Variants in XPO1 observed in about 807,000 individuals in gnomAD.
XPO1 encodes the protein exportin 1.
Under a neutral mutation model 133.3 loss-of-function variants are expected in XPO1, and 5 were observed. The observed-to-expected ratio is 0.04, with a 90% CI of 0.02 to 0.08. XPO1 has a LOEUF of 0.08. Among genes scored for constraint, XPO1 ranks in the 10% least tolerant of loss-of-function variants. The pLI is 1.00. For missense variants in XPO1, 506 were observed against 1,267.5 expected (o/e 0.40, Z 9.12); for synonymous variants, 419 against 408.2 (o/e 1.03, Z -0.32).
chr2:61,492,392 T>C lies in XPO1; in HGVS notation c.1656A>G (p.Pro552=), dbSNP rs149134432. Residue 552 remains proline (P), a synonymous_variant, in exon 15 of 25, where the codon CCA becomes CCG. Transcript: ENST00000401558. The surrounding 1 kb of genome is among the most constrained non-coding windows in gnomAD (Gnocchi z 5.6). ...SNIMYIVGQY[P]RFLRAHWKFL... ...ATTTCCAGTGAGCTCTCAAAAAACG[T>C]GGGTATTGACCTACTATGTACATGA... The C allele has an allele frequency of 6.3e-4, 1,013 of 1,609,960 alleles. No homozygotes were observed. Among genetic ancestry groups the C allele is most frequent in the Middle Eastern group, 1.2e-3 (7 of 6,062 alleles).
chr2:61,495,337 G>T, intron 11 of XPO1, 118 bp downstream of exon 11: 1 of 776,230 alleles, frequency 1.3e-6, no homozygotes, highest in Non-Finnish European at 1.8e-6. Flanking sequence ...ATAATGTACT[G>T]ATCAAATATT....
chr2:61,479,936 C>T (rs140532810), intron 24 of XPO1, among the ~76,000 whole-genome samples: 6 of 152,228 alleles, frequency 3.9e-5, no homozygotes, highest in Non-Finnish European at 7.4e-5. Context: ...ATGATCTCAG[C>T]TCACTGAAAC....
chr2:61,485,569 C>G, intron 20 of XPO1, 199 bp downstream of exon 20: 1 of 339,668 alleles, frequency 2.9e-6, no homozygotes, highest in Non-Finnish European at 5.2e-6. Context: ...GATGAAGTCT[C>G]ACTATATTGC....
Position 61,499,673 on chromosome 2 carries a change from A to G in XPO1, c.590+40T>C, listed in dbSNP as rs199705003. ...CATCCAAACTGCTTGAAATTGTTTG[A>G]GAAATCACTTTAAAATTCTAAAACA... On this transcript the variant is annotated intron_variant, in intron 7 of 24. Transcript: ENST00000401558. 5.3e-6 allele frequency: 8 copies of G among 1,518,424 alleles called. No homozygotes were observed. In the Admixed American group the frequency reaches 1.9e-4, roughly 36 times the overall value. The allele number at this position is 1,518,424 out of a possible 1,614,324, so 94.1% of individuals were successfully genotyped here.
chr2:61,498,499 G>A (rs993591008), intron 9 of XPO1, among the ~76,000 whole-genome samples, 174 bp downstream of exon 9: 2 of 152,274 alleles, frequency 1.3e-5, no homozygotes, highest in Admixed American at 1.3e-4. Flanking sequence ...AATCAGATTT[G>A]AAACTCACTT....
chr2:61,488,121 C>A (rs370498716), intron 19 of XPO1, 44 bp downstream of exon 19: 1 of 1,529,236 alleles, frequency 6.5e-7, no homozygotes, highest in Non-Finnish European at 9.1e-7. Context: ...CCATAAAACA[C>A]AGCATCAACA....
Position 61,537,916 on chromosome 2 carries a change from G to A in XPO1, c.-361C>T. The A allele has an allele frequency of 6.2e-6, 1 of 160,328 alleles. No individual in the cohort carries two copies. The highest frequency in any genetic ancestry group is 1.4e-5 in the Non-Finnish European group (1 of 73,360). 9.9% of individuals were successfully genotyped at this position (160,328 alleles called of 1,614,324 possible). On this transcript the variant is annotated 5_prime_UTR_variant, in exon 1 of 25. Coordinates refer to ENST00000401558, the MANE Select transcript of XPO1 (RefSeq NM_003400.4). The stretch of plus-strand genomic sequence containing the variant: ...CAGGGGGACCCTCCAGCCACAGGCA[G>A]CAGCAGAAGCGGCAGGAGTAGGGGG...
At chr2:61,499,674 G>C (rs1257495860) in intron 7 of XPO1, 39 bp downstream of exon 7, 1 of 1,519,778 alleles carries the variant, frequency 6.6e-7, no homozygotes, top group Admixed American at 2.4e-5. Flanking sequence ...AATTGTTTGA[G>C]AAATCACTTT....
Position 61,493,907 on chromosome 2 carries a change from G to A in XPO1, c.1232C>T (p.Pro411Leu). The change falls in exon 12 of 25, where the codon CCC becomes CTC. Residue 411 changes from proline (P) to leucine (L), a missense_variant. By Grantham distance (98) the Pro-to-Leu change is moderately conservative. This residue lies in a region of XPO1 where 134 missense variants were observed against 261.6 expected (regional missense o/e 0.51). Transcript: ENST00000401558. ...CCGCTCTGTTACCTTGAATAACATG[G>A]GCAAATATAGCTGTCTCCTGGGAGG... ...DVPPRRQLYL[P>L]MLFKVRLLMV... The A allele has an allele frequency of 6.2e-7, 1 of 1,614,032 alleles. No individual in the cohort carries two copies. Among genetic ancestry groups the A allele is most frequent in the Non-Finnish European group, 8.5e-7 (1 of 1,179,968 alleles).
intron 1 of XPO1, among the ~76,000 whole-genome samples, chr2:61,537,335 G>A (rs1699396641): frequency 1.3e-5 from 2 of 151,366 alleles, no homozygotes; most frequent in Non-Finnish European, 3.0e-5. Flanking sequence ...GAATGACCCA[G>A]CAAGCGCTCC....
At chr2:61,490,585 A>AAG in intron 17 of XPO1, 57 bp downstream of exon 17, 1 of 1,606,110 alleles carries the variant, frequency 6.2e-7, no homozygotes, top group Non-Finnish European at 8.5e-7. Flanking sequence ...TACATTTGTA[A>AAG]AGAACACGTC....
intron 2 of XPO1, among the ~76,000 whole-genome samples, chr2:61,531,072 A>T (rs1387036414): frequency 6.6e-6 from 1 of 152,132 alleles, no homozygotes; most frequent in African/African-American, 2.4e-5. Context: ...TAACACTAAA[A>T]ATCATGTTTT....
At chr2:61,521,749 T>C (rs895711379) in intron 4 of XPO1, among the ~76,000 whole-genome samples, 1 of 152,048 alleles carries the variant, frequency 6.6e-6, no homozygotes, top group African/African-American at 2.4e-5. Context: ...ATATGGTTTT[T>C]TTTGTTGTTG....
chr2:61,478,624 AGAT>A lies in XPO1; in HGVS notation c.*193_*195del. On this transcript the variant is annotated 3_prime_UTR_variant, in exon 25 of 25. Coordinates refer to ENST00000401558, the MANE Select transcript of XPO1 (RefSeq NM_003400.4). Reference sequence around the variant, plus strand: ...TTTCAACTTCATGCAAACTAAATAAAGATGACCAAAACAAAAGCTTAAACAATG... The same window carrying A: ...TTTCAACTTCATGCAAACTAAATAAAGACCAAAACAAAAGCTTAAACAATG... 1.8e-6 allele frequency: 1 copy of A among 568,112 alleles called. No individual in the cohort carries two copies. 35.2% of individuals were successfully genotyped at this position (568,112 alleles called of 1,614,324 possible).
chr2:61,506,269 C>A (rs1057131453), intron 4 of XPO1, among the ~76,000 whole-genome samples: 1 of 151,898 alleles, frequency 6.6e-6, no homozygotes, highest in Non-Finnish European at 1.5e-5. Flanking sequence ...AAAAATACAA[C>A]AAAATTAGCC....
chr2:61,485,484 C>CCA lies in XPO1; in HGVS notation c.2508+283_2508+284insTG, dbSNP rs1553402566. Reference sequence around the variant, plus strand: ...CCCAGGCTCAAGTGACCCCCCCCCCCACTTCAGCCTTTCGAGTAGTTGGGA... The same window carrying CCA: ...CCCAGGCTCAAGTGACCCCCCCCCCCCAACTTCAGCCTTTCGAGTAGTTGGGA... On this transcript the variant is annotated intron_variant, in intron 20 of 24. Coordinates refer to ENST00000401558, the MANE Select transcript of XPO1 (RefSeq NM_003400.4). 7 of 167,118 alleles carry CCA rather than the reference C, an allele frequency of 4.2e-5. 1 individual carries two copies. Among genetic ancestry groups the CCA allele is most frequent in the Middle Eastern group, 5.3e-3 (2 of 376 alleles). 10.4% of individuals were successfully genotyped at this position (167,118 alleles called of 1,614,324 possible). A position where few individuals can be genotyped will look rare whatever the true frequency, so the allele number is the denominator to read the frequency against.
intron 1 of XPO1, among the ~76,000 whole-genome samples, chr2:61,535,265 T>C (rs1699310691): frequency 6.6e-6 from 1 of 152,224 alleles, no homozygotes; most frequent in South Asian, 2.1e-4. Flanking sequence ...CTAAGATGCC[T>C]GAGACTCTGA....
At chr2:61,521,304 A>G (rs1282330828) in intron 4 of XPO1, among the ~76,000 whole-genome samples, 2 of 152,214 alleles carry the variant, frequency 1.3e-5, no homozygotes, top group Admixed American at 6.5e-5. Flanking sequence ...ATTCTACCAT[A>G]ATGATGATAA....
At chr2:61,516,493 C>T (rs1047912771) in intron 4 of XPO1, among the ~76,000 whole-genome samples, 10 of 151,866 alleles carry the variant, frequency 6.6e-5, no homozygotes, top group South Asian at 6.2e-4. Context: ...CAGCTCACCG[C>T]GACCTCTGCC....
Sources: allele counts gnomAD v4.1 joint callset (sites outside exome capture counted in the v4.1 genomes callset), GRCh38; gene constraint gnomAD v4.1.1; regional missense constraint gnomAD v4.1.1; non-coding constraint Gnocchi (gnomAD v3.1); transcripts MANE v1.5; gene names NCBI Gene and HGNC (gene_info 2026-07-23, HGNC 2026-07-21).